The following FKBP1A variants were observed in gnomAD, a reference collection of about 807,000 sequenced individuals.
The protein encoded by FKBP1A is peptidyl-prolyl cis-trans isomerase FKBP1A.
FKBP1A carries 5 observed loss-of-function variants against 14.2 expected under a neutral mutation model. The observed-to-expected ratio is 0.35, with a 90% CI of 0.18 to 0.74. The LOEUF is 0.74. FKBP1A is among the 30% of genes least tolerant of loss of function. FKBP1A has a pLI of 0.56. For missense variants in FKBP1A, 53 were observed against 138.8 expected (o/e 0.38, Z 3.10); for synonymous variants, 42 against 49.1 (o/e 0.86, Z 0.60).
At chr20:1,381,997 G>A (rs1014443970) in intron 2 of FKBP1A, among the ~76,000 whole-genome samples, 1 of 152,174 alleles carries the variant, frequency 6.6e-6, no homozygotes, top group Non-Finnish European at 1.5e-5. Flanking sequence ...CAGTATATTG[G>A]ATTTCAATCA....
Position 1,386,931 on chromosome 20 carries a change from GA to G in FKBP1A, c.85+5902del, listed in dbSNP as rs2089674471. Reference sequence around the variant, plus strand: ...AGGAAAAGAAAACAAAAAAACAGAAGAAAAAATAGAAGTAAAAATAAACAAA... The same window carrying G: ...AGGAAAAGAAAACAAAAAAACAGAAGAAAAATAGAAGTAAAAATAAACAAA... On this transcript the variant is annotated intron_variant, in intron 2 of 4. Transcript: ENST00000400137. The surrounding 1 kb of genome is among the most constrained non-coding windows in gnomAD (Gnocchi z 4.7). Among the ~76,000 whole-genome samples, 1 of 152,084 alleles carries G rather than the reference GA, an allele frequency of 6.6e-6. No individual in the cohort carries two copies. Among genetic ancestry groups the G allele is most frequent in the Non-Finnish European group, 1.5e-5 (1 of 68,010 alleles).
At chr20:1,375,356 G>GTAT in intron 3 of FKBP1A, 135 bp downstream of exon 3, 2 of 640,772 alleles carry the variant, frequency 3.1e-6, no homozygotes, top group South Asian at 3.9e-5. Context: ...TCTTGTGGGG[G>GTAT]TATTGGTCAG....
chr20:1,392,171 G>A (rs144165449), intron 2 of FKBP1A, among the ~76,000 whole-genome samples: 142 of 152,366 alleles, frequency 9.3e-4, no homozygotes, highest in African/African-American at 3.1e-3. Flanking sequence ...CGGTCAGCCT[G>A]AGCCAGCGCT....
At chr20:1,375,362 G>A in intron 3 of FKBP1A, 129 bp downstream of exon 3, 4 of 656,998 alleles carry the variant, frequency 6.1e-6, no homozygotes, top group Non-Finnish European at 1.1e-5. Flanking sequence ...GGGGGTATTG[G>A]TCAGATGGGA....
Position 1,393,034 on chromosome 20 carries a change from C to T in FKBP1A, c.-36G>A, listed in dbSNP as rs371029102. 2.9e-6 allele frequency: 4 copies of T among 1,392,872 alleles called. No individual in the cohort carries two copies. The highest frequency in any genetic ancestry group is 2.9e-5 in the South Asian group (2 of 69,284). 86.3% of individuals were successfully genotyped at this position (1,392,872 alleles called of 1,614,324 possible). ...GACGCTGAGCGGGCGGGCGGCGCGACGGGCGGCGTGGACCAACAGCGACCT... is the reference window on the plus strand; with the variant it reads ...GACGCTGAGCGGGCGGGCGGCGCGATGGGCGGCGTGGACCAACAGCGACCT... On this transcript the variant is annotated 5_prime_UTR_variant, in exon 1 of 5. Transcript: ENST00000400137.
intron 4 of FKBP1A, chr20:1,370,715 G>A (rs902427531): frequency 1.0e-5 from 10 of 985,384 alleles, no homozygotes; most frequent in Non-Finnish European, 1.2e-5. Context: ...GTGACTTGTA[G>A]CCTTTATCCC....
intron 4 of FKBP1A, chr20:1,371,769 T>C (rs1048937882): frequency 7.7e-6 from 8 of 1,042,288 alleles, no homozygotes; most frequent in African/African-American, 1.7e-5. Flanking sequence ...ACTACAAATT[T>C]GGCCTACATT....
At chr20:1,383,270 T>G (rs936153368) in intron 2 of FKBP1A, among the ~76,000 whole-genome samples, 1 of 152,022 alleles carries the variant, frequency 6.6e-6, no homozygotes, top group Non-Finnish European at 1.5e-5. Flanking sequence ...ATGCAGTTTA[T>G]AGTTGCTCAT....
At chr20:1,372,892 G>GT (rs1327546545) in intron 3 of FKBP1A, among the ~76,000 whole-genome samples, 1 of 152,238 alleles carries the variant, frequency 6.6e-6, no homozygotes, top group Admixed American at 6.5e-5. Flanking sequence ...TGAGTGACCA[G>GT]TAAGGAGAGA....
intron 4 of FKBP1A, chr20:1,371,235 AC>A (rs1296053485): frequency 3.2e-5 from 31 of 982,982 alleles, no homozygotes; most frequent in Non-Finnish European, 3.6e-5. Flanking sequence ...TCTAACACTT[AC>A]ATGAAAAGTT....
In FKBP1A at chr20:1,372,083, C is replaced by G; in HGVS notation, c.*29G>C. The G allele has an allele frequency of 6.2e-7, 1 of 1,612,044 alleles. No homozygotes were observed. The highest frequency in any genetic ancestry group is 8.5e-7 in the Non-Finnish European group (1 of 1,179,024). On this transcript the variant is annotated 3_prime_UTR_variant, in exon 4 of 5. Coordinates refer to ENST00000400137, the MANE Select transcript of FKBP1A (RefSeq NM_000801.5). ...AGTATTCCATTTCCTTACCCAAGAACAGGGAGCTAAGGGAGGAGGCCATTC... is the reference window on the plus strand; with the variant it reads ...AGTATTCCATTTCCTTACCCAAGAAGAGGGAGCTAAGGGAGGAGGCCATTC...
chr20:1,381,672 C>T (rs1230106519), intron 2 of FKBP1A, among the ~76,000 whole-genome samples: 1 of 152,136 alleles, frequency 6.6e-6, no homozygotes. Flanking sequence ...TATAAACTAA[C>T]CCAAACATCC....
At chr20:1,370,781 A>C in intron 4 of FKBP1A, 1 of 985,440 alleles carries the variant, frequency 1.0e-6, no homozygotes, top group Non-Finnish European at 1.2e-6. Flanking sequence ...CCAACCAGGA[A>C]AATAATTCCA....
intron 4 of FKBP1A, 114 bp downstream of exon 4, chr20:1,371,962 G>A: frequency 2.7e-6 from 4 of 1,468,726 alleles, no homozygotes; most frequent in Non-Finnish European, 3.6e-6. Flanking sequence ...AAAGAATGCA[G>A]GGGGAAAAAT....
At chr20:1,374,398 C>A (rs76803938) in intron 3 of FKBP1A, 1 of 152,156 alleles carries the variant, frequency 6.6e-6, no homozygotes, top group Non-Finnish European at 1.5e-5. Flanking sequence ...ATAAGTATGA[C>A]GTCTCAGAAG....
intron 2 of FKBP1A, among the ~76,000 whole-genome samples, chr20:1,382,895 G>A (rs550071237): frequency 1.3e-5 from 2 of 152,304 alleles, no homozygotes; most frequent in East Asian, 1.9e-4. Context: ...AAACAAGACG[G>A]TGCAGAGAGT....
intron 2 of FKBP1A, among the ~76,000 whole-genome samples, chr20:1,392,417 G>A (rs1435511674): frequency 1.3e-5 from 2 of 152,066 alleles, no homozygotes; most frequent in African/African-American, 4.8e-5. Context: ...TGGGGGCAGG[G>A]GCACAGAAAT....
At chr20:1,391,626 C>A in intron 2 of FKBP1A, 1 of 398,518 alleles carries the variant, frequency 2.5e-6, no homozygotes, top group Non-Finnish European at 4.4e-6. Flanking sequence ...CAGTGAAAGT[C>A]ATTTCCCTCA....
intron 2 of FKBP1A, among the ~76,000 whole-genome samples, chr20:1,383,551 T>C (rs2122694521): frequency 6.6e-6 from 1 of 152,196 alleles, no homozygotes. Context: ...GGCTCATGCC[T>C]GTAATCCCAG....
Sources: allele counts gnomAD v4.1 joint callset (sites outside exome capture counted in the v4.1 genomes callset), GRCh38; gene constraint gnomAD v4.1.1; non-coding constraint Gnocchi (gnomAD v3.1); transcripts MANE v1.5; gene names NCBI Gene and HGNC (gene_info 2026-07-23, HGNC 2026-07-21).